Variants in TMPRSS15 observed in about 807,000 individuals in gnomAD.
TMPRSS15 encodes the protein enteropeptidase.
Under a neutral mutation model 125.3 loss-of-function variants are expected in TMPRSS15, and 128 were observed. That is an observed-to-expected ratio of 1.02 (90% CI 0.89 to 1.18). The LOEUF is 1.18. TMPRSS15 is among the 50% of genes most tolerant of loss of function. The probability of loss-of-function intolerance (pLI) is 0.00; values close to 1 mark genes in which losing one functional copy is unlikely to be tolerated. For synonymous variants in TMPRSS15, 446 were observed against 423.2 expected, an observed-to-expected ratio of 1.05 and a Z score of -0.66; for missense variants, 1,283 against 1,212.7, an observed-to-expected ratio of 1.06 and a Z score of -0.86.
intron 1 of TMPRSS15, among the ~76,000 whole-genome samples, chr21:18,471,841 C>CA (rs11379536): frequency 0.45 from 67,998 of 150,948 alleles, 16,421 homozygotes; most frequent in East Asian, 0.87. Context: ...CAGATGAGGG[C>CA]AAAAAAAAGG....
chr21:18,286,994 T>C (rs1307020015), intron 21 of TMPRSS15, among the ~76,000 whole-genome samples: 1 of 152,248 alleles, frequency 6.6e-6, no homozygotes, highest in Non-Finnish European at 1.5e-5. Context: ...CCATTTTCAA[T>C]TGGTCTGTGA....
At chr21:18,484,594 C>G (rs1342858462) in intron 1 of TMPRSS15, among the ~76,000 whole-genome samples, 1 of 151,658 alleles carries the variant, frequency 6.6e-6, no homozygotes, top group East Asian at 1.9e-4. Flanking sequence ...TATATGCAGA[C>G]TAGCATACTT....
upstream of TMPRSS15, among the ~76,000 whole-genome samples, chr21:18,405,138 C>G (rs1299028892): frequency 6.6e-6 from 1 of 151,970 alleles, no homozygotes; most frequent in Non-Finnish European, 1.5e-5. Flanking sequence ...TCATATAGCG[C>G]TTTAAGTTAC....
intron 21 of TMPRSS15, among the ~76,000 whole-genome samples, chr21:18,281,780 G>A (rs1268596061): frequency 6.6e-6 from 1 of 152,092 alleles, no homozygotes; most frequent in Non-Finnish European, 1.5e-5. Flanking sequence ...TTCCCATTTA[G>A]AGAGTCATTG....
intron 21 of TMPRSS15, among the ~76,000 whole-genome samples, chr21:18,283,408 T>C (rs2074724871): frequency 1.3e-5 from 2 of 152,168 alleles, no homozygotes; most frequent in African/African-American, 4.8e-5. Flanking sequence ...ACTCAATATT[T>C]ACAAAAAATT....
At chr21:18,358,532 T>C (rs1325002519) in intron 8 of TMPRSS15, among the ~76,000 whole-genome samples, 2 of 152,074 alleles carry the variant, frequency 1.3e-5, no homozygotes, top group African/African-American at 2.4e-5. Flanking sequence ...GCCCATTTTT[T>C]TTTAAGAGCA....
chr21:18,455,964 G>A (rs897227601), intron 1 of TMPRSS15, among the ~76,000 whole-genome samples: 3 of 152,164 alleles, frequency 2.0e-5, no homozygotes, highest in South Asian at 2.1e-4. Flanking sequence ...GCACCTTGTA[G>A]GTTACTAAGA....
At chr21:18,396,565 G>C (rs891449537) in intron 3 of TMPRSS15, among the ~76,000 whole-genome samples, 1 of 151,948 alleles carries the variant, frequency 6.6e-6, no homozygotes, top group Non-Finnish European at 1.5e-5. Context: ...ACGAGGTCAG[G>C]AGATCGAGAC....
chr21:18,476,760 G>T (rs995727937), intron 1 of TMPRSS15, among the ~76,000 whole-genome samples: 5 of 152,096 alleles, frequency 3.3e-5, no homozygotes, highest in Admixed American at 2.0e-4. Flanking sequence ...ACCAATTATA[G>T]TAGACCACTT....
At position 18,313,082 on chromosome 21, in the gene TMPRSS15, A is replaced by G; in HGVS notation, c.2033-5T>C. On this transcript the variant is annotated splice_polypyrimidine_tract_variant and splice_region_variant and intron_variant, in intron 17 of 24. Transcript: ENST00000284885. ...TTGTGCCATTGAAAAAACGCACTAA[A>G]GACACAGAGAGCATAATGGTAGTTA... The G allele has an allele frequency of 6.2e-7, 1 of 1,606,302 alleles. No individual in the cohort carries two copies. Among genetic ancestry groups the G allele is most frequent in the South Asian group, 1.1e-5 (1 of 90,894 alleles).
In TMPRSS15 at chr21:18,365,245, G is replaced by C. The variant is rs776647019; in HGVS notation, c.668C>G (p.Thr223Arg). The change falls in exon 7 of 25, where the codon ACA becomes AGA. Residue 223 changes from threonine to arginine, a missense_variant. By Grantham distance (71) the Thr-to-Arg change is moderately conservative (BLOSUM62 -1). Coordinates refer to ENST00000284885, the MANE Select transcript of TMPRSS15 (RefSeq NM_002772.3). The stretch of plus-strand genomic sequence containing the variant: ...TAACAAAAATCTTCCATCACAAACT[G>C]TGGCTGCAAAACGATGCCAATTAAT... ...GSDEDNKMCATVCDGRFLLTG... is the reference protein window; with the variant it reads ...GSDEDNKMCARVCDGRFLLTG... 18 of 1,613,574 alleles carry C rather than the reference G, an allele frequency of 1.1e-5. No homozygotes were observed. The highest frequency in any genetic ancestry group is 5.0e-5 in the Admixed American group (3 of 60,022).
intron 1 of TMPRSS15, among the ~76,000 whole-genome samples, chr21:18,422,985 C>T (rs1406710572): frequency 2.0e-5 from 3 of 152,136 alleles, no homozygotes; most frequent in African/African-American, 7.2e-5. Context: ...GCTCAGCTAG[C>T]GCAGATTTCC....
intron 1 of TMPRSS15, among the ~76,000 whole-genome samples, chr21:18,422,485 A>G (rs1015298522): frequency 2.0e-5 from 3 of 152,226 alleles, no homozygotes; most frequent in African/African-American, 7.2e-5. Flanking sequence ...AAATGATATG[A>G]ATCATATAAT....
chr21:18,355,858 T>C (rs1243004129), intron 8 of TMPRSS15, among the ~76,000 whole-genome samples: 1 of 151,842 alleles, frequency 6.6e-6, no homozygotes, highest in African/African-American at 2.4e-5. Context: ...GCCTCTGTCA[T>C]TGTACCAAAG....
chr21:18,326,267 G>A (rs892688904), intron 16 of TMPRSS15, among the ~76,000 whole-genome samples, 165 bp downstream of exon 16: 19 of 152,030 alleles, frequency 1.2e-4, no homozygotes, highest in Admixed American at 1.0e-3. Flanking sequence ...CTCAGGTAAC[G>A]GTACTACAGA....
chr21:18,434,267 C>T (rs757326204), intron 1 of TMPRSS15, among the ~76,000 whole-genome samples: 8 of 152,146 alleles, frequency 5.3e-5, no homozygotes, highest in Non-Finnish European at 1.0e-4. Context: ...TCTATCTCTA[C>T]ACACAGAGAT....
rs1239509632 is a variant in TMPRSS15, at chr21:18,297,786, G to T, written c.2209C>A (p.Pro737Thr). The T allele has an allele frequency of 3.1e-6, 5 of 1,613,654 alleles. No individual in the cohort carries two copies. In the South Asian group the frequency reaches 5.5e-5, roughly 18 times the overall value. ...SKPIFPTDGGPFVKLNTAPDG... is the reference protein window; with the variant it reads ...SKPIFPTDGGTFVKLNTAPDG... ...GGTGCTGTGTTTAATTTGACAAATG[G>T]TCCACCATCGGTAGGGAAGATTGGC... Residue 737 changes from proline to threonine, a missense_variant, in exon 19 of 25, where the codon CCA becomes ACA. Pro to Thr is a conservative substitution (Grantham distance 38). Coordinates refer to ENST00000284885, the MANE Select transcript of TMPRSS15 (RefSeq NM_002772.3).
chr21:18,463,137 G>C (rs897736551), intron 1 of TMPRSS15, among the ~76,000 whole-genome samples: 1 of 148,982 alleles, frequency 6.7e-6, no homozygotes, highest in Non-Finnish European at 1.5e-5. Context: ...TTTGGACAAA[G>C]AGTCAAGACC....
Position 18,390,960 on chromosome 21 carries a change from G to A in TMPRSS15, c.344+6919C>T, listed in dbSNP as rs551049121. Among the ~76,000 whole-genome samples, 4 of 152,268 alleles carry A rather than the reference G, an allele frequency of 2.6e-5. No homozygotes were observed. The East Asian group carries it at 7.7e-4, about 29-fold the overall frequency. ...TCACGTGGTGGCAGAAGAGAGAAGAGTGTGAAGGGGGAAGAAGCCCTTATG... is the reference window on the plus strand; with the variant it reads ...TCACGTGGTGGCAGAAGAGAGAAGAATGTGAAGGGGGAAGAAGCCCTTATG... On this transcript the variant is annotated intron_variant, in intron 3 of 24. Coordinates refer to ENST00000284885, the MANE Select transcript of TMPRSS15 (RefSeq NM_002772.3).
Sources: gnomAD v4.1 joint callset for allele counts (sites outside exome capture counted in the v4.1 genomes callset) on GRCh38, gnomAD v4.1.1 for gene constraint, MANE v1.5 for transcripts, NCBI Gene and HGNC (gene_info 2026-07-23, HGNC 2026-07-21) for gene names.